Variants in TNIK observed in about 807,000 individuals in gnomAD.
The protein encoded by TNIK is TRAF2 and NCK-interacting protein kinase.
TNIK carries 49 observed loss-of-function variants against 191.3 expected under a neutral mutation model. The ratio of observed to expected loss-of-function variants is 0.26; its 90% CI spans 0.20 to 0.32. The LOEUF (loss-of-function observed/expected upper bound fraction) is 0.32. Ranked by LOEUF, TNIK falls within the 10% of genes least tolerant of loss-of-function variation. TNIK has a pLI of 1.00. For missense variants in TNIK, 1,155 were observed against 1,702.3 expected (o/e 0.68, Z 5.66); for synonymous variants, 594 against 600.9 (o/e 0.99, Z 0.17).
chr3:171,413,404 G>C lies in TNIK; in HGVS notation c.58-43719C>G, dbSNP rs147267754. Among the ~76,000 whole-genome samples the C allele has an allele frequency of 7.0e-4, 106 of 152,176 alleles. 1 individual carries two copies. The highest frequency in any genetic ancestry group is 2.4e-3 in the African/African-American group (101 of 41,506). On this transcript the variant is annotated intron_variant, in intron 1 of 32. Transcript: ENST00000436636. Reference sequence around the variant, plus strand: ...ACATATCCCACCCCATGCCTCATCAGGAACTCTTCTATAAAGGACAAGGCC... The same window carrying C: ...ACATATCCCACCCCATGCCTCATCACGAACTCTTCTATAAAGGACAAGGCC...
At chr3:171,186,786 G>A (rs568185206) in intron 7 of TNIK, among the ~76,000 whole-genome samples, 20 of 152,246 alleles carry the variant, frequency 1.3e-4, no homozygotes, top group African/African-American at 4.6e-4. Flanking sequence ...GCAGCATGAC[G>A]ACCTCTGTGG....
intron 2 of TNIK, among the ~76,000 whole-genome samples, chr3:171,348,178 C>G (rs1211255979): frequency 6.6e-6 from 1 of 152,176 alleles, no homozygotes; most frequent in Non-Finnish European, 1.5e-5. Flanking sequence ...ATGCCTCATG[C>G]CTGTGCTTCC....
chr3:171,350,617 A>T (rs865796171), intron 2 of TNIK, among the ~76,000 whole-genome samples: 1 of 151,336 alleles, frequency 6.6e-6, no homozygotes, highest in African/African-American at 2.4e-5. Flanking sequence ...AAAAAAAAAA[A>T]ATGCCCAAAG....
chr3:171,108,188 G>A, intron 19 of TNIK, 26 bp from the exon 20 acceptor site: 1 of 1,503,304 alleles, frequency 6.7e-7, no homozygotes, highest in Non-Finnish European at 8.9e-7. Context: ...AGAGGACCAA[G>A]AAAGAGATGG....
At chr3:171,243,926 T>C (rs1003547462) in intron 2 of TNIK, among the ~76,000 whole-genome samples, 1 of 152,270 alleles carries the variant, frequency 6.6e-6, no homozygotes, top group African/African-American at 2.4e-5. Context: ...TATTAACTCA[T>C]TGAGAAAGAA....
intron 17 of TNIK, among the ~76,000 whole-genome samples, chr3:171,124,919 C>A (rs755057393): frequency 2.0e-5 from 3 of 152,242 alleles, no homozygotes; most frequent in Non-Finnish European, 4.4e-5. Context: ...TTCATATTGA[C>A]TTTTGCTCCC....
chr3:171,134,219 T>C (rs868582166), intron 15 of TNIK, among the ~76,000 whole-genome samples: 1 of 152,242 alleles, frequency 6.6e-6, no homozygotes, highest in Non-Finnish European at 1.5e-5. Flanking sequence ...AGTACATACC[T>C]GACATCCATC....
At chr3:171,395,870 C>A (rs201320975) in intron 1 of TNIK, among the ~76,000 whole-genome samples, 5 of 152,140 alleles carry the variant, frequency 3.3e-5, no homozygotes, top group African/African-American at 1.2e-4. Context: ...CCTCTCATAG[C>A]CCAGGGTAAT....
At chr3:171,109,140 GA>G (rs1725444582) in intron 19 of TNIK, among the ~76,000 whole-genome samples, 1 of 152,126 alleles carries the variant, frequency 6.6e-6, no homozygotes, top group South Asian at 2.1e-4. Context: ...CCTATAAATA[GA>G]AAAAAGATAA....
intron 7 of TNIK, among the ~76,000 whole-genome samples, chr3:171,186,661 CTAT>C (rs1186912340): frequency 2.0e-5 from 3 of 152,178 alleles, no homozygotes; most frequent in Non-Finnish European, 4.4e-5. Flanking sequence ...TGAACCTATT[CTAT>C]CAGGATTCTT....
chr3:171,115,773 C>T (rs1560135172), intron 18 of TNIK, among the ~76,000 whole-genome samples: 1 of 152,292 alleles, frequency 6.6e-6, no homozygotes, highest in East Asian at 1.9e-4. Flanking sequence ...CCACAGTACA[C>T]GTGAACGACT....
chr3:171,413,995 G>C (rs1469332375), intron 1 of TNIK, among the ~76,000 whole-genome samples: 1 of 152,098 alleles, frequency 6.6e-6, no homozygotes, highest in Non-Finnish European at 1.5e-5. Context: ...TTTCTCACAC[G>C]TTTTTAATCC....
intron 4 of TNIK, among the ~76,000 whole-genome samples, chr3:171,199,117 G>T (rs993859899): frequency 6.6e-6 from 1 of 151,798 alleles, no homozygotes; most frequent in African/African-American, 2.4e-5. Flanking sequence ...TCTATAATTT[G>T]CTTTCCCATT....
At chr3:171,213,506 G>T (rs1379623423) in intron 3 of TNIK, among the ~76,000 whole-genome samples, 1 of 152,024 alleles carries the variant, frequency 6.6e-6, no homozygotes, top group Non-Finnish European at 1.5e-5. Flanking sequence ...CAGGATAGTG[G>T]GTGATGTGGG....
In TNIK at chr3:171,211,194, A is replaced by G. The variant is rs1323231804; in HGVS notation, c.228T>C (p.Tyr76=). 3.1e-6 allele frequency: 5 copies of G among 1,612,436 alleles called. No individual in the cohort carries two copies. The Admixed American group carries it at 6.7e-5, about 22-fold the overall frequency. ...ATGTAGCAATATTCCGGTGATGAGA[A>G]TATTTCTTCAACATGTTAATTTCTT... is the stretch of plus-strand genomic sequence containing the variant. The part of the protein sequence containing the change: ...IKQEINMLKK[Y]SHHRNIATYY... Residue 76 remains tyrosine, a synonymous_variant, in exon 4 of 33, where the codon TAT becomes TAC. Coordinates refer to ENST00000436636, the MANE Select transcript of TNIK (RefSeq NM_015028.4).
At chr3:171,454,440 C>G (rs759807473) in intron 1 of TNIK, among the ~76,000 whole-genome samples, 5 of 152,126 alleles carry the variant, frequency 3.3e-5, no homozygotes, top group Non-Finnish European at 5.9e-5. Context: ...GTACTGGGTA[C>G]TCTCTCATCA....
chr3:171,241,778 C>T (rs545407098), intron 2 of TNIK, among the ~76,000 whole-genome samples: 7 of 151,926 alleles, frequency 4.6e-5, no homozygotes, highest in Non-Finnish European at 7.4e-5. Context: ...AAATGTCCAT[C>T]GATGATAGAC....
chr3:171,137,108 CTTTTTT>C lies in TNIK; in HGVS notation c.1608+1077_1608+1082del, dbSNP rs71176593. Among the ~76,000 whole-genome samples, 169 of 104,158 alleles carry C rather than the reference CTTTTTT, an allele frequency of 1.6e-3. 1 individual carries two copies. Among genetic ancestry groups the C allele is most frequent in the South Asian group, 7.7e-3 (20 of 2,600 alleles). 68.3% of individuals were successfully genotyped at this position (104,158 alleles called of 152,430 possible). A position where few individuals can be genotyped will look rare whatever the true frequency, so the allele number is the denominator to read the frequency against. The stretch of plus-strand genomic sequence containing the variant: ...AAGTACAAAAAAGTTTTTAAAAATC[CTTTTTT>C]TTTTTTTTTTTTTTTTTTTACTTTC... On this transcript the variant is annotated intron_variant, in intron 15 of 32. Transcript: ENST00000436636.
intron 12 of TNIK, among the ~76,000 whole-genome samples, chr3:171,151,652 A>G (rs1732447186): frequency 6.6e-6 from 1 of 152,238 alleles, no homozygotes; most frequent in Admixed American, 6.5e-5. Context: ...CTAATAAGGA[A>G]GAAAGCTGGG....
Sources: allele counts gnomAD v4.1 joint callset (sites outside exome capture counted in the v4.1 genomes callset), GRCh38; gene constraint gnomAD v4.1.1; transcripts MANE v1.5; gene names NCBI Gene and HGNC (gene_info 2026-07-23, HGNC 2026-07-21).